The following PRPF39 variants were observed in gnomAD, a reference collection of about 807,000 sequenced individuals.
PRPF39 encodes pre-mRNA-processing factor 39.
In PRPF39, 27 loss-of-function variants were observed where a neutral mutation model predicts 82.1. The observed-to-expected ratio is 0.33, with a 90% CI of 0.24 to 0.45. The LOEUF (loss-of-function observed/expected upper bound fraction) is 0.45. PRPF39 is among the 20% of genes least tolerant of loss of function. The probability of loss-of-function intolerance (pLI) is 1.00; values close to 1 mark genes in which losing one functional copy is unlikely to be tolerated. For missense variants in PRPF39, 581 were observed against 796.9 expected, an observed-to-expected ratio of 0.73 and a Z score of 3.26; for synonymous variants, 261 against 256.4, an observed-to-expected ratio of 1.02 and a Z score of -0.17.
intron 13 of PRPF39, 74 bp from the exon 14 acceptor site, chr14:45,114,783 G>T: frequency 7.1e-7 from 1 of 1,418,336 alleles, no homozygotes; most frequent in South Asian, 1.2e-5. Flanking sequence ...AAACATAGCT[G>T]CTTTAATTAT....
intron 5 of PRPF39, 122 bp from the exon 6 acceptor site, chr14:45,107,329 G>A: frequency 1.4e-6 from 1 of 695,914 alleles, no homozygotes; most frequent in Non-Finnish European, 2.3e-6. Flanking sequence ...AAGGAGAAAA[G>A]GTATGATATT....
Position 45,095,336 on chromosome 14 carries a change from A to G in PRPF39, c.97A>G (p.Thr33Ala). The change falls in exon 2 of 14, where the codon ACT becomes GCT. Residue 33 changes from threonine (T) to alanine (A), a missense_variant. By Grantham distance (58) the Thr-to-Ala change is moderately conservative (BLOSUM62 0). Transcript: ENST00000355765. ...GGTAGAACATCCTACTGATTTCAGT[A>G]CTGAGATTATGAACGTTACAGAAAT... ...VVVEHPTDFSTEIMNVTEMEQ... is the reference protein window; with the variant it reads ...VVVEHPTDFSAEIMNVTEMEQ... The G allele has an allele frequency of 6.2e-7, 1 of 1,613,542 alleles. No individual in the cohort carries two copies. Among genetic ancestry groups the G allele is most frequent in the East Asian group, 2.2e-5 (1 of 44,874 alleles).
intron 6 of PRPF39, 84 bp from the exon 7 acceptor site, chr14:45,108,331 A>G: frequency 7.3e-7 from 1 of 1,372,790 alleles, no homozygotes; most frequent in Non-Finnish European, 9.5e-7. Flanking sequence ...ATATCTGTGA[A>G]TAATACTTAA....
At chr14:45,095,605 CAA>C (rs1324274214) in intron 2 of PRPF39, 42 bp downstream of exon 2, 13 of 1,488,352 alleles carry the variant, frequency 8.7e-6, no homozygotes, top group African/African-American at 1.4e-5. Flanking sequence ...ACAAATTAAT[CAA>C]GTCATTAATT....
intron 1 of PRPF39, 66 bp from the exon 2 acceptor site, chr14:45,095,155 G>A (rs891528281): frequency 1.0e-5 from 11 of 1,070,000 alleles, no homozygotes; most frequent in Non-Finnish European, 1.4e-5. Context: ...TTTAAAAGGT[G>A]TTGTTGAGGC....
At position 45,099,021 on chromosome 14, in the gene PRPF39, T is replaced by G. The variant is rs1367594924; in HGVS notation, c.569+2016T>G. 2.0e-5 allele frequency among the ~76,000 whole-genome samples: 3 copies of G among 152,250 alleles called. No homozygotes were observed. In the East Asian group the frequency reaches 5.8e-4, roughly 29 times the overall value. On this transcript the variant is annotated intron_variant, in intron 4 of 13. Transcript: ENST00000355765. ...TTTATTCCTTTATAGCTTCTGCTAT[T>G]GCTTTTGAGAAGTCCAATACCATTC... is the stretch of plus-strand genomic sequence containing the variant.
At chr14:45,094,379 A>T (rs1184232004) in intron 1 of PRPF39, among the ~76,000 whole-genome samples, 4 of 152,150 alleles carry the variant, frequency 2.6e-5, no homozygotes, top group Non-Finnish European at 5.9e-5. Context: ...TTATGTAGTT[A>T]TTATCCAGAC....
At chr14:45,093,846 C>T (rs138353742) in intron 1 of PRPF39, among the ~76,000 whole-genome samples, 4,181 of 152,278 alleles carry the variant, frequency 0.027, 87 homozygotes, top group Non-Finnish European at 0.045. Context: ...TGAGCCACCA[C>T]GCCCGGCCAA....
chr14:45,112,298 T>A lies in PRPF39; in HGVS notation c.1573-20T>A, dbSNP rs1261762370. On this transcript the variant is annotated intron_variant, in intron 10 of 13. Coordinates refer to ENST00000355765, the MANE Select transcript of PRPF39 (RefSeq NM_017922.4). The stretch of plus-strand genomic sequence containing the variant: ...ATAAAAATATTTTAGAAATATTCAT[T>A]GATGCTGCTTTTTACACAGGAGAAC... 6.5e-7 allele frequency: 1 copy of A among 1,536,956 alleles called. No homozygotes were observed. The highest frequency in any genetic ancestry group is 8.7e-7 in the Non-Finnish European group (1 of 1,150,942).
At position 45,110,427 on chromosome 14, in the gene PRPF39, C is replaced by T. The variant is rs1179989285; in HGVS notation, c.1304-122C>T. Reference sequence around the variant, plus strand: ...CAGCCATAGGCAGTGTGTAAATATGCATGGCTGTTTCCCATTATTAGTTGC... The same window carrying T: ...CAGCCATAGGCAGTGTGTAAATATGTATGGCTGTTTCCCATTATTAGTTGC... On this transcript the variant is annotated intron_variant, in intron 9 of 13. Coordinates refer to ENST00000355765, the MANE Select transcript of PRPF39 (RefSeq NM_017922.4). This position sits in a 1 kb window ranked among gnomAD's most constrained non-coding sequence, Gnocchi z 4.0. The T allele has an allele frequency of 1.6e-6, 2 of 1,214,720 alleles. No homozygotes were observed. Among genetic ancestry groups the T allele is most frequent in the Non-Finnish European group, 2.3e-6 (2 of 879,100 alleles). The allele number at this position is 1,214,720 out of a possible 1,614,324, so 75.2% of individuals were successfully genotyped here. A position where few individuals can be genotyped will look rare whatever the true frequency, so the allele number is the denominator to read the frequency against.
At chr14:45,096,593 C>T (rs1237913415) in intron 3 of PRPF39, 1 of 1,449,364 alleles carries the variant, frequency 6.9e-7, no homozygotes, top group Non-Finnish European at 9.2e-7. Flanking sequence ...CATTTTTGGT[C>T]AGACGCTGTC....
intron 1 of PRPF39, among the ~76,000 whole-genome samples, chr14:45,085,948 A>G (rs78481117): frequency 0.041 from 6,272 of 152,030 alleles, 211 homozygotes; most frequent in South Asian, 0.12. Context: ...AAAAAAAAAA[A>G]AGGTATTAGG....
chr14:45,089,049 G>A (rs1883935121), intron 1 of PRPF39, among the ~76,000 whole-genome samples: 1 of 152,182 alleles, frequency 6.6e-6, no homozygotes, highest in Non-Finnish European at 1.5e-5. Flanking sequence ...TCTGTAGGTT[G>A]CCTTTTCACT....
chr14:45,087,300 A>G (rs1282929985), intron 1 of PRPF39, among the ~76,000 whole-genome samples: 5 of 151,984 alleles, frequency 3.3e-5, no homozygotes, highest in African/African-American at 4.8e-5. Flanking sequence ...GCATTTCCCT[A>G]TGTTGCCCAG....
At chr14:45,085,777 G>A (rs1242783648) in intron 1 of PRPF39, among the ~76,000 whole-genome samples, 1 of 152,080 alleles carries the variant, frequency 6.6e-6, no homozygotes, top group Non-Finnish European at 1.5e-5. Context: ...TTGCCTTGTG[G>A]ATGAGATTTG....
chr14:45,097,724 T>A lies in PRPF39; in HGVS notation c.569+719T>A, dbSNP rs189625221. Among the ~76,000 whole-genome samples, 29 of 152,376 alleles carry A rather than the reference T, an allele frequency of 1.9e-4. No homozygotes were observed. The East Asian group carries it at 2.5e-3, about 13-fold the overall frequency. ...TCATATGCTTATATAAGCCATTTTTTAAATTACCTGTTGATATTATTTGCT... is the reference window on the plus strand; with the variant it reads ...TCATATGCTTATATAAGCCATTTTTAAAATTACCTGTTGATATTATTTGCT... On this transcript the variant is annotated intron_variant, in intron 4 of 13. Transcript: ENST00000355765.
intron 12 of PRPF39, 111 bp from the exon 13 acceptor site, chr14:45,114,383 C>A: frequency 7.4e-7 from 1 of 1,347,686 alleles, no homozygotes; most frequent in Non-Finnish European, 1.0e-6. Context: ...TTGAAAAAGT[C>A]TTGAGTGATT....
At position 45,096,871 on chromosome 14, in the gene PRPF39, G is replaced by T; in HGVS notation, c.451-16G>T. 1 of 1,541,770 alleles carries T rather than the reference G, an allele frequency of 6.5e-7. No individual in the cohort carries two copies. Among genetic ancestry groups the T allele is most frequent in the Non-Finnish European group, 8.7e-7 (1 of 1,143,770 alleles). ...TAATTAAATATTTGAAGTACAGTTT[G>T]CTGTTTTCTTCTTAGGTTTATCGGC... On this transcript the variant is annotated splice_polypyrimidine_tract_variant and intron_variant, in intron 3 of 13. Transcript: ENST00000355765.
chr14:45,114,128 T>C (rs1344219325), intron 11 of PRPF39, 55 bp from the exon 12 acceptor site: 2 of 1,303,724 alleles, frequency 1.5e-6, no homozygotes, highest in Non-Finnish European at 2.1e-6. Flanking sequence ...CTTTAAATAT[T>C]TAATAAAGTT....
Sources: allele counts gnomAD v4.1 joint callset (sites outside exome capture counted in the v4.1 genomes callset), GRCh38; gene constraint gnomAD v4.1.1; non-coding constraint Gnocchi (gnomAD v3.1); transcripts MANE v1.5; gene names NCBI Gene and HGNC (gene_info 2026-07-23, HGNC 2026-07-21).